The following TMEM51 variants were observed in gnomAD, a reference collection of about 807,000 sequenced individuals.
The protein encoded by TMEM51 is chromosome 1 open reading frame 72.
In TMEM51, 8 loss-of-function variants were observed where a neutral mutation model predicts 13.6. That is an observed-to-expected ratio of 0.59 (90% CI 0.35 to 1.07). TMEM51 has a LOEUF of 1.07. Among genes scored for constraint, TMEM51 ranks in the 50% least tolerant of loss-of-function variants. The probability of loss-of-function intolerance (pLI) is 0.02; values close to 1 mark genes in which losing one functional copy is unlikely to be tolerated. For missense variants in TMEM51, 279 were observed against 330.7 expected (o/e 0.84, Z 1.21); for synonymous variants, 147 against 144.4 (o/e 1.02, Z -0.13).
chr1:15,171,119 C>CGG, intron 1 of TMEM51: 1 of 809,554 alleles, frequency 1.2e-6, no homozygotes, highest in Non-Finnish European at 1.8e-6. Context: ...CCCGCCACAT[C>CGG]CCCCACCCCC....
rs1360010374 is a variant in TMEM51, at chr1:15,215,443, CTG to C, written c.344+14_344+15del. The C allele has an allele frequency of 3.2e-6, 5 of 1,580,726 alleles. No homozygotes were observed. In the African/African-American group the frequency reaches 4.0e-5, roughly 13 times the overall value. ...CAGGAGGAAGACAGGTGAGGCCTGA[CTG>C]TCCCCTTCCCTCCCCGGATCGGGGA... is the stretch of plus-strand genomic sequence containing the variant. On this transcript the variant is annotated intron_variant, in intron 3 of 3. Coordinates refer to ENST00000376008, the MANE Select transcript of TMEM51 (RefSeq NM_001136218.2).
intron 2 of TMEM51, among the ~76,000 whole-genome samples, chr1:15,211,826 C>A (rs879930227): frequency 0.032 from 1,767 of 55,794 alleles, 60 homozygotes; most frequent in Non-Finnish European, 0.054. Context: ...AGGTGACCCC[C>A]CCCCCCCCCC....
intron 1 of TMEM51, among the ~76,000 whole-genome samples, chr1:15,164,058 G>T (rs916268594): frequency 4.6e-5 from 7 of 151,946 alleles, no homozygotes; most frequent in Admixed American, 3.3e-4. Context: ...TTGAACTCCT[G>T]ACCTCAGGTG....
chr1:15,199,113 G>T (rs1289952398), intron 1 of TMEM51, among the ~76,000 whole-genome samples: 1 of 149,944 alleles, frequency 6.7e-6, no homozygotes, highest in African/African-American at 2.4e-5. Context: ...AGTCGATTGT[G>T]TCTTTTTTTA....
At chr1:15,176,254 G>A (rs1643453341) in intron 1 of TMEM51, among the ~76,000 whole-genome samples, 1 of 152,158 alleles carries the variant, frequency 6.6e-6, no homozygotes, top group African/African-American at 2.4e-5. Context: ...AGTGTTAGAG[G>A]AGTCCCAGAA....
At chr1:15,164,333 T>G in intron 1 of TMEM51, 1 of 456,122 alleles carries the variant, frequency 2.2e-6, no homozygotes, top group South Asian at 1.5e-5. Context: ...TTCTCAGTCT[T>G]TTCTTAAATT....
intron 1 of TMEM51, among the ~76,000 whole-genome samples, chr1:15,174,302 G>T (rs1182535751): frequency 6.6e-6 from 1 of 152,152 alleles, no homozygotes; most frequent in Admixed American, 6.6e-5. Context: ...GAGTACAGTG[G>T]CTTGATCGTG....
intron 2 of TMEM51, among the ~76,000 whole-genome samples, chr1:15,214,327 C>T (rs1644389938): frequency 6.6e-6 from 1 of 152,092 alleles, no homozygotes; most frequent in African/African-American, 2.4e-5. Context: ...CAAAGAAAGG[C>T]AGGCTGAGAC....
chr1:15,162,804 A>G (rs936169925), intron 1 of TMEM51, among the ~76,000 whole-genome samples: 2 of 152,082 alleles, frequency 1.3e-5, no homozygotes, highest in East Asian at 1.9e-4. Flanking sequence ...TGTATGAGGA[A>G]TCTAGACATC....
chr1:15,184,676 C>A lies in TMEM51; in HGVS notation c.-266-25814C>A, dbSNP rs539536207. Among the ~76,000 whole-genome samples, 223 of 152,216 alleles carry A rather than the reference C, an allele frequency of 1.5e-3. 1 individual carries two copies. The highest frequency in any genetic ancestry group is 2.7e-3 in the Admixed American group (41 of 15,274). ...AAGCAGGAAGTAGGTGGATTTGAAA[C>A]CTTTGGACAGGTAAAATCAACCACA... On this transcript the variant is annotated intron_variant, in intron 1 of 3. Transcript: ENST00000376008.
At chr1:15,192,610 CA>C in intron 1 of TMEM51, 1 of 174,224 alleles carries the variant, frequency 5.7e-6, no homozygotes, top group Non-Finnish European at 1.2e-5. Context: ...CGCACCAGCA[CA>C]CCCGGCTACT....
intron 1 of TMEM51, among the ~76,000 whole-genome samples, chr1:15,160,780 G>A (rs899194576): frequency 5.3e-5 from 8 of 150,978 alleles, no homozygotes; most frequent in South Asian, 2.1e-4. Context: ...AAACACCGGC[G>A]CCATCACTTT....
chr1:15,185,040 C>T (rs959815216), intron 1 of TMEM51, among the ~76,000 whole-genome samples: 15 of 152,054 alleles, frequency 9.9e-5, no homozygotes, highest in Admixed American at 9.2e-4. Flanking sequence ...CCTGCCCCAC[C>T]CCCATCTGAC....
rs3078880 is a variant in TMEM51, at chr1:15,192,470, T to TTTTTTTTTTTTTTTA, written c.-266-18020_-266-18019insTTTTTTTTTTTTTTA. On this transcript the variant is annotated intron_variant, in intron 1 of 3. Coordinates refer to ENST00000376008, the MANE Select transcript of TMEM51 (RefSeq NM_001136218.2). ...TCTTTCTTTTCTTTTCCTTTTTTTT[T>TTTTTTTTTTTTTTTA]ATGACAGAATCTTGCTCTGCTGCCC... 27 of 250,814 alleles carry TTTTTTTTTTTTTTTA rather than the reference T, an allele frequency of 1.1e-4. 1 individual carries two copies. Among genetic ancestry groups the TTTTTTTTTTTTTTTA allele is most frequent in the African/African-American group, 2.4e-4 (9 of 38,010 alleles). 15.5% of individuals were successfully genotyped at this position (250,814 alleles called of 1,614,324 possible).
chr1:15,201,702 G>C (rs1033118393), intron 1 of TMEM51, among the ~76,000 whole-genome samples: 2 of 152,194 alleles, frequency 1.3e-5, no homozygotes, highest in Admixed American at 1.3e-4. Flanking sequence ...GGAATGGCGA[G>C]GGGAGGGGGA....
At chr1:15,181,627 C>T (rs1643619051) in intron 1 of TMEM51, among the ~76,000 whole-genome samples, 2 of 152,232 alleles carry the variant, frequency 1.3e-5, no homozygotes, top group Admixed American at 1.3e-4. Context: ...ACAGCCCTGG[C>T]TCTCAGGTCA....
At chr1:15,189,213 C>CTTTTTTTTTTTTTTTTTTTTTTTTTT (rs59346950) in intron 1 of TMEM51, among the ~76,000 whole-genome samples, 6 of 92,852 alleles carry the variant, frequency 6.5e-5, no homozygotes, top group African/African-American at 8.5e-5. Flanking sequence ...CTAATTTTTC[C>CTTTTTTTTTTTTTTTTTTTTTTTTTT]TTTTTTTTTT....
In TMEM51 at chr1:15,207,494, G is replaced by A. The variant is rs922044250; in HGVS notation, c.-266-2996G>A. The stretch of plus-strand genomic sequence containing the variant: ...ATCTTATTTCAGTCGTTGTCTTCAC[G>A]TTCAAGTTCATGGAGACTCAATCCA... On this transcript the variant is annotated intron_variant, in intron 1 of 3. Transcript: ENST00000376008. The surrounding 1 kb of genome is among the most constrained non-coding windows in gnomAD (Gnocchi z 4.6). Among the ~76,000 whole-genome samples, 11 of 152,194 alleles carry A rather than the reference G, an allele frequency of 7.2e-5. No homozygotes were observed. The highest frequency in any genetic ancestry group is 6.2e-4 in the South Asian group (3 of 4,826).
intron 1 of TMEM51, among the ~76,000 whole-genome samples, chr1:15,193,106 G>A (rs561383266): frequency 1.4e-4 from 21 of 152,198 alleles, no homozygotes; most frequent in Non-Finnish European, 2.2e-4. Flanking sequence ...CAGCACCGGC[G>A]TAGCAGCCCG....
Sources: allele counts gnomAD v4.1 joint callset (sites outside exome capture counted in the v4.1 genomes callset), GRCh38; gene constraint gnomAD v4.1.1; non-coding constraint Gnocchi (gnomAD v3.1); transcripts MANE v1.5; gene names NCBI Gene and HGNC (gene_info 2026-07-23, HGNC 2026-07-21).